The following COL23A1 variants were observed in gnomAD, a reference collection of about 807,000 sequenced individuals.
COL23A1 encodes collagen type XXIII alpha 1 chain.
Under a neutral mutation model 99.3 loss-of-function variants are expected in COL23A1, and 97 were observed. The ratio of observed to expected loss-of-function variants is 0.98; its 90% confidence interval spans 0.83 to 1.16. COL23A1 has a LOEUF of 1.16. COL23A1 is among the 50% of genes most tolerant of loss of function. The probability of loss-of-function intolerance (pLI) is 0.00; values close to 1 mark genes in which losing one functional copy is unlikely to be tolerated. For missense variants in COL23A1, 762 were observed against 757.4 expected (o/e 1.01, Z -0.07); for synonymous variants, 320 against 308.2 (o/e 1.04, Z -0.40).
intron 5 of COL23A1, among the ~76,000 whole-genome samples, chr5:178,279,032 C>T (rs1756746826): frequency 1.3e-5 from 2 of 152,296 alleles, no homozygotes; most frequent in South Asian, 4.1e-4. Context: ...CCCCATTTCA[C>T]AGATGAAGAT....
intron 13 of COL23A1, among the ~76,000 whole-genome samples, chr5:178,257,237 G>C (rs1458866445): frequency 6.6e-6 from 1 of 152,176 alleles, no homozygotes; most frequent in Non-Finnish European, 1.5e-5. Flanking sequence ...GGGGAGCAAG[G>C]CATGAGGATG....
intron 25 of COL23A1, among the ~76,000 whole-genome samples, chr5:178,244,286 GC>G (rs1244314614): frequency 6.6e-6 from 1 of 152,110 alleles, no homozygotes; most frequent in Non-Finnish European, 1.5e-5. Flanking sequence ...ACCGTGCCTG[GC>G]CGGTAATGTT....
chr5:178,381,645 G>T (rs977631434), intron 2 of COL23A1, among the ~76,000 whole-genome samples: 9 of 152,038 alleles, frequency 5.9e-5, no homozygotes, highest in Non-Finnish European at 7.4e-5. Context: ...GCCTGGAGTG[G>T]TTTTTTTTGA....
At chr5:178,356,460 G>C (rs558430254) in intron 2 of COL23A1, among the ~76,000 whole-genome samples, 10 of 152,300 alleles carry the variant, frequency 6.6e-5, no homozygotes, top group African/African-American at 2.4e-4. Flanking sequence ...AGGTATGTCT[G>C]GGGAGAACCA....
intron 2 of COL23A1, among the ~76,000 whole-genome samples, chr5:178,497,558 T>G (rs916525263): frequency 6.6e-5 from 10 of 152,100 alleles, no homozygotes; most frequent in African/African-American, 2.4e-4. Context: ...ATGTCTCTCC[T>G]CCATACCGAA....
intron 1 of COL23A1, among the ~76,000 whole-genome samples, chr5:178,585,965 C>G (rs1581689727): frequency 6.6e-6 from 1 of 152,194 alleles, no homozygotes; most frequent in Non-Finnish European, 1.5e-5. Context: ...AAGTTTTCCC[C>G]TGAATTGAAA....
chr5:178,318,599 C>A (rs1439534711), intron 2 of COL23A1, among the ~76,000 whole-genome samples: 2 of 152,158 alleles, frequency 1.3e-5, no homozygotes, highest in Non-Finnish European at 2.9e-5. Flanking sequence ...AGGGGTGGGG[C>A]GACTCCAGAA....
chr5:178,275,186 A>G (rs1178486304), intron 5 of COL23A1, among the ~76,000 whole-genome samples: 1 of 152,190 alleles, frequency 6.6e-6, no homozygotes, highest in Non-Finnish European at 1.5e-5. Context: ...TTCTCCTCTC[A>G]AACAACAAGT....
chr5:178,556,289 TA>T (rs956194550), intron 2 of COL23A1, among the ~76,000 whole-genome samples: 1 of 150,806 alleles, frequency 6.6e-6, no homozygotes, highest in Non-Finnish European at 1.5e-5. Flanking sequence ...GTTGCGTTAT[TA>T]AAAAAAAAGA....
At chr5:178,247,129 TTG>T (rs1764741854) in intron 22 of COL23A1, among the ~76,000 whole-genome samples, 1 of 151,988 alleles carries the variant, frequency 6.6e-6, no homozygotes. Flanking sequence ...GCCCAAGACT[TTG>T]TGCTTAGACT....
At chr5:178,470,831 G>A (rs1053868383) in intron 2 of COL23A1, among the ~76,000 whole-genome samples, 7 of 152,224 alleles carry the variant, frequency 4.6e-5, no homozygotes, top group Non-Finnish European at 8.8e-5. Context: ...CTGAGCGGCC[G>A]TTCATGCTGA....
intron 2 of COL23A1, among the ~76,000 whole-genome samples, chr5:178,358,411 ATGTGTATG>A (rs1761933236): frequency 5.1e-5 from 6 of 117,014 alleles, no homozygotes; most frequent in African/African-American, 1.5e-4. Context: ...GTATGTGTGT[ATGTGTATG>A]TGTGTGTATG....
intron 2 of COL23A1, among the ~76,000 whole-genome samples, chr5:178,336,994 G>A (rs1109699): frequency 0.48 from 72,458 of 151,704 alleles, 18,347 homozygotes; most frequent in East Asian, 0.78. Context: ...ACTCCTCCCC[G>A]GAGCCAGCGA....
chr5:178,583,560 C>A (rs1383981502), intron 1 of COL23A1, among the ~76,000 whole-genome samples: 1 of 152,110 alleles, frequency 6.6e-6, no homozygotes, highest in Non-Finnish European at 1.5e-5. Flanking sequence ...GTGACCAGGA[C>A]GGGTAATCCG....
chr5:178,401,335 G>A (rs1241420883), intron 2 of COL23A1, among the ~76,000 whole-genome samples: 3 of 152,242 alleles, frequency 2.0e-5, no homozygotes, highest in African/African-American at 7.2e-5. Context: ...ATCTGTTTGA[G>A]TCCCTGCTTT....
At chr5:178,475,142 T>A (rs1212069557) in intron 2 of COL23A1, among the ~76,000 whole-genome samples, 2 of 152,242 alleles carry the variant, frequency 1.3e-5, no homozygotes, top group Non-Finnish European at 1.5e-5. Context: ...CCCACCCTAA[T>A]CCAGTACAAC....
chr5:178,452,200 A>C (rs1346745494), intron 2 of COL23A1, among the ~76,000 whole-genome samples: 1 of 152,220 alleles, frequency 6.6e-6, no homozygotes, highest in Non-Finnish European at 1.5e-5. Context: ...AAGTAGACAA[A>C]ACTGTGGACA....
chr5:178,538,990 T>G (rs1761133189), intron 2 of COL23A1, among the ~76,000 whole-genome samples: 1 of 152,222 alleles, frequency 6.6e-6, no homozygotes, highest in African/African-American at 2.4e-5. Flanking sequence ...CCACATGTTG[T>G]GTGATTCCAT....
chr5:178,448,980 A>T (rs928902962), intron 2 of COL23A1, among the ~76,000 whole-genome samples: 1 of 150,902 alleles, frequency 6.6e-6, no homozygotes, highest in Non-Finnish European at 1.5e-5. Context: ...TTTTAAAATA[A>T]TTTAAAAATA....
Sources: allele counts gnomAD v4.1 joint callset (sites outside exome capture counted in the v4.1 genomes callset), GRCh38; gene constraint gnomAD v4.1.1; transcripts MANE v1.5; gene names NCBI Gene and HGNC (gene_info 2026-07-23, HGNC 2026-07-21).